Variants in ZNF888 observed in about 807,000 individuals in gnomAD.
The protein encoded by ZNF888 is zinc finger protein 888, also known as CTD-2331H12.6.
In ZNF888, 5 loss-of-function variants were observed where a neutral mutation model predicts 7.2. The observed-to-expected ratio is 0.70, with a 90% CI of 0.36 to 1.46. ZNF888 has a LOEUF of 1.46. Ranked by LOEUF, ZNF888 falls within the 40% of genes most tolerant of loss-of-function variation. The pLI, the probability that ZNF888 is intolerant of heterozygous loss-of-function variation, is 0.03. For synonymous variants in ZNF888, 240 were observed against 284.3 expected, an observed-to-expected ratio of 0.84 and a Z score of 1.57; for missense variants, 716 against 858.0, an observed-to-expected ratio of 0.83 and a Z score of 2.07.
chr19:52,906,843 T>G lies in ZNF888; in HGVS notation c.1479A>C (p.Pro493=). ...RHRRIHTGEK[P]YKCKVCDKAF... ...CCTTGTCACAAACCTTACATTTGTA[T>G]GGTTTCTCACCAGTGTGAATTCTCC... Residue 493 remains proline (P), a synonymous_variant, in exon 5 of 5, where the codon CCA becomes CCC. Transcript: ENST00000638862. 1 of 1,613,282 alleles carries G rather than the reference T, an allele frequency of 6.2e-7. No individual in the cohort carries two copies. Among genetic ancestry groups the G allele is most frequent in the South Asian group, 1.1e-5 (1 of 91,046 alleles).
rs1206797120 is a variant in ZNF888 at position 52,917,889 on chromosome 19, T to C, written c.-16A>G. 1 of 1,612,328 alleles carries C rather than the reference T, an allele frequency of 6.2e-7. No homozygotes were observed. Among genetic ancestry groups the C allele is most frequent in the Non-Finnish European group, 8.5e-7 (1 of 1,180,000 alleles). The stretch of plus-strand genomic sequence containing the variant: ...GAAGAGCCATCCCTGACTCCTTTGC[T>C]TTCCTCTTCCTCTTCTGAGTTTCTT... On this transcript the variant is annotated 5_prime_UTR_variant, in exon 3 of 5. Coordinates refer to ENST00000638862, the MANE Select transcript of ZNF888 (RefSeq NM_001393938.1).
intron 4 of ZNF888, chr19:52,914,408 C>A (rs192836772): frequency 1.1e-6 from 1 of 894,794 alleles, no homozygotes; most frequent in East Asian, 1.2e-4. Flanking sequence ...GTCAGAGACT[C>A]CTACTTATAA....
chr19:52,918,346 C>G (rs1467229186), intron 2 of ZNF888: 26 of 260,834 alleles, frequency 1.0e-4, no homozygotes, highest in Non-Finnish European at 1.5e-4. Context: ...AAATACTTAG[C>G]CAGGTATGGT....
chr19:52,915,530 A>G (rs562063419), intron 3 of ZNF888, among the ~76,000 whole-genome samples: 5 of 79,894 alleles, frequency 6.3e-5, no homozygotes, highest in African/African-American at 2.7e-4. Flanking sequence ...GCTGGAGTGC[A>G]GTGGCATGAT....
intron 4 of ZNF888, among the ~76,000 whole-genome samples, chr19:52,912,348 C>A (rs550265705): frequency 3.4e-4 from 52 of 150,834 alleles, no homozygotes; most frequent in African/African-American, 1.1e-3. Context: ...CTCCTGACCT[C>A]GTGATCCGCC....
In ZNF888 at chr19:52,905,821, CTGA is replaced by C. The variant is rs1205037133; in HGVS notation, c.*341_*343del. 1 of 692,562 alleles carries C rather than the reference CTGA, an allele frequency of 1.4e-6. No individual in the cohort carries two copies. The highest frequency in any genetic ancestry group is 1.6e-5 in the African/African-American group (1 of 61,040). 42.9% of individuals were successfully genotyped at this position (692,562 alleles called of 1,614,324 possible). A position where few individuals can be genotyped will look rare whatever the true frequency, so the allele number is the denominator to read the frequency against. On this transcript the variant is annotated 3_prime_UTR_variant, in exon 5 of 5. Coordinates refer to ENST00000638862, the MANE Select transcript of ZNF888 (RefSeq NM_001393938.1). ...ATCTCAGACTGAAGACCTTGCCACA[CTGA>C]TGACATTTGTAAGATTTCTGTCCAG...
intron 1 of ZNF888, among the ~76,000 whole-genome samples, chr19:52,919,852 C>A (rs1455478483): frequency 1.7e-5 from 1 of 58,768 alleles, no homozygotes; most frequent in Non-Finnish European, 4.0e-5. Flanking sequence ...CCGGCCGCCC[C>A]GTCTGAGAAG....
chr19:52,918,958 A>AATCTTCATTTCTGATGTGGT lies in ZNF888; in HGVS notation c.-177-22_-177-21insACCACATCAGAAATGAAGAT, dbSNP rs1240608114. Reference sequence around the variant, plus strand: ...AGACTCTGTTTGAAAAAAAAAAAAAATCTCCCTCTCCCTCCCCCTCCCTCT... The same window carrying AATCTTCATTTCTGATGTGGT: ...AGACTCTGTTTGAAAAAAAAAAAAAAATCTTCATTTCTGATGTGGTTCTCCCTCTCCCTCCCCCTCCCTCT... On this transcript the variant is annotated intron_variant, in intron 1 of 4. Coordinates refer to ENST00000638862, the MANE Select transcript of ZNF888 (RefSeq NM_001393938.1). 5 of 3,974 alleles carry AATCTTCATTTCTGATGTGGT rather than the reference A, an allele frequency of 1.3e-3. 1 individual carries two copies. The highest frequency in any genetic ancestry group is 1.3e-3 in the Non-Finnish European group (3 of 2,352). 0.2% of individuals were successfully genotyped at this position (3,974 alleles called of 1,614,324 possible).
chr19:52,912,890 C>A (rs2064703129), intron 4 of ZNF888, among the ~76,000 whole-genome samples: 1 of 152,016 alleles, frequency 6.6e-6, no homozygotes, highest in Non-Finnish European at 1.5e-5. Flanking sequence ...GGCAGATCAA[C>A]TGAGGTCGGG....
In ZNF888 at chr19:52,923,406, C is replaced by T. The variant is rs1312106400; in HGVS notation, c.-215G>A. The stretch of plus-strand genomic sequence containing the variant: ...ACTTCCAGTCCACGCGATCCGCTTC[C>T]TGGTCCGGGCGAATCTACAAGCACA... On this transcript the variant is annotated 5_prime_UTR_variant, in exon 1 of 5. Transcript: ENST00000638862. The T allele has an allele frequency of 6.1e-6, 6 of 985,826 alleles. No individual in the cohort carries two copies. The African/African-American group carries it at 7.0e-5, about 11-fold the overall frequency. The allele number at this position is 985,826 out of a possible 1,614,324, so 61.1% of individuals were successfully genotyped here.
At chr19:52,912,997 C>T (rs1466941317) in intron 4 of ZNF888, among the ~76,000 whole-genome samples, 1 of 152,124 alleles carries the variant, frequency 6.6e-6, no homozygotes, top group East Asian at 1.9e-4. Flanking sequence ...ATCCCAGCTA[C>T]TCCGGAGGCT....
In ZNF888 at chr19:52,907,627, T is replaced by C. The variant is rs1212938429; in HGVS notation, c.695A>G (p.His232Arg). The C allele has an allele frequency of 6.2e-7, 1 of 1,601,908 alleles. No individual in the cohort carries two copies. The highest frequency in any genetic ancestry group is 8.5e-7 in the Non-Finnish European group (1 of 1,175,846). ...SFNCSSLFKK[H>R]QIIHLGEKQY... ...TTTCTCTCCTAGATGAATTATCTGA[T>C]GTTTTTTAAAGAGTGAGCTACAATT... The change falls in exon 5 of 5, where the codon CAT becomes CGT. Residue 232 changes from histidine to arginine, a missense_variant. By Grantham distance (29) the His-to-Arg change is conservative (BLOSUM62 0). Transcript: ENST00000638862.
chr19:52,921,825 A>T, intron 1 of ZNF888: 1 of 166,768 alleles, frequency 6.0e-6, no homozygotes, highest in Non-Finnish European at 1.2e-5. Flanking sequence ...CTACTCAGCA[A>T]GGCTGAGGCA....
At chr19:52,917,519 T>A in intron 3 of ZNF888, 2 of 657,830 alleles carry the variant, frequency 3.0e-6, no homozygotes. Flanking sequence ...GCTACTCTAA[T>A]CTTGGTCCAC....
intron 3 of ZNF888, 137 bp downstream of exon 3, chr19:52,917,722 G>A: frequency 6.8e-7 from 1 of 1,475,518 alleles, no homozygotes. Flanking sequence ...AGATGAGAGG[G>A]ACTGAGGGAA....
chr19:52,918,087 A>G, intron 2 of ZNF888, 156 bp from the exon 3 acceptor site: 1 of 1,422,866 alleles, frequency 7.0e-7, no homozygotes, highest in Non-Finnish European at 9.2e-7. Context: ...ATAAACTCCT[A>G]TAGGAAAACT....
chr19:52,910,050 G>A (rs766173953), intron 4 of ZNF888, among the ~76,000 whole-genome samples: 6 of 148,620 alleles, frequency 4.0e-5, no homozygotes, highest in East Asian at 2.0e-4. Context: ...TGGGGGACCC[G>A]AGGCAGGAGA....
chr19:52,918,036 G>A (rs1184484952), intron 2 of ZNF888, 105 bp from the exon 3 acceptor site: 4 of 1,473,850 alleles, frequency 2.7e-6, no homozygotes, highest in Non-Finnish European at 3.6e-6. Flanking sequence ...ACCTCACCCT[G>A]GGAAATATGG....
intron 1 of ZNF888, among the ~76,000 whole-genome samples, chr19:52,919,708 A>G (rs2064799393): frequency 1.7e-5 from 1 of 60,006 alleles, no homozygotes; most frequent in Admixed American, 2.1e-4. Flanking sequence ...CCATCTAGGA[A>G]GTGAGGAGTG....
Sources: allele counts gnomAD v4.1 joint callset (sites outside exome capture counted in the v4.1 genomes callset), GRCh38; gene constraint gnomAD v4.1.1; transcripts MANE v1.5; gene names NCBI Gene and HGNC (gene_info 2026-07-23, HGNC 2026-07-21).